Variants in ERCC6L2 observed in about 807,000 individuals in gnomAD.
ERCC6L2 encodes the protein ERCC excision repair 6 like 2.
A neutral mutation model predicts 132.0 loss-of-function variants in ERCC6L2; 77 were observed. The observed-to-expected ratio is 0.58, with a 90% CI of 0.49 to 0.71. The LOEUF (loss-of-function observed/expected upper bound fraction) is 0.71, where lower values mean the gene tolerates loss of function less well. Ranked by LOEUF, ERCC6L2 falls within the 30% of genes least tolerant of loss-of-function variation. The pLI, the probability that ERCC6L2 is intolerant of heterozygous loss-of-function variation, is 0.00. For synonymous variants in ERCC6L2, 583 were observed against 632.4 expected (o/e 0.92, Z 1.17); for missense variants, 1,542 against 1,837.6 (o/e 0.84, Z 2.94).
At chr9:95,969,305 G>A (rs1008653374) in intron 14 of ERCC6L2, among the ~76,000 whole-genome samples, 11 of 152,182 alleles carry the variant, frequency 7.2e-5, no homozygotes, top group African/African-American at 2.2e-4. Flanking sequence ...ACTTACTATT[G>A]AAAACTAGAC....
chr9:96,012,542 C>T lies in ERCC6L2; in HGVS notation c.3992C>T (p.Thr1331Ile), dbSNP rs769302711. The T allele has an allele frequency of 3.7e-6, 5 of 1,367,190 alleles. No individual in the cohort carries two copies. The highest frequency in any genetic ancestry group is 4.9e-6 in the Non-Finnish European group (5 of 1,021,694). The allele number at this position is 1,367,190 out of a possible 1,614,324, so 84.7% of individuals were successfully genotyped here. ...NKISQVCSLKTYKRKSVKFQN... is the reference protein window; with the variant it reads ...NKISQVCSLKIYKRKSVKFQN... ...ATTTCTCAAGTTTGCAGCCTAAAAA[C>T]ATATAAAAGAAAATCAGTTAAGTTT... is the stretch of plus-strand genomic sequence containing the variant. The change falls in exon 19 of 19, where the codon ACA becomes ATA. Residue 1331 changes from threonine (T) to isoleucine (I), a missense_variant. By Grantham distance (89) the Thr-to-Ile change is moderately conservative (BLOSUM62 -1). Around this residue, in one of 4 missense-constraint regions of ERCC6L2, gnomAD observed 442 missense variants for 583.4 expected, o/e 0.76. Transcript: ENST00000653738.
At chr9:95,905,622 C>T (rs1828993427) in intron 3 of ERCC6L2, among the ~76,000 whole-genome samples, 1 of 152,118 alleles carries the variant, frequency 6.6e-6, no homozygotes, top group Non-Finnish European at 1.5e-5. Context: ...TAGGATTAAC[C>T]TTCACCCAAA....
At chr9:95,925,272 A>G (rs754387458) in intron 9 of ERCC6L2, among the ~76,000 whole-genome samples, 1 of 152,126 alleles carries the variant, frequency 6.6e-6, no homozygotes, top group Non-Finnish European at 1.5e-5. Flanking sequence ...CCTGATGAAA[A>G]TCTTCACTTT....
At chr9:95,979,157 T>C (rs1047267327) in intron 17 of ERCC6L2, among the ~76,000 whole-genome samples, 4 of 152,184 alleles carry the variant, frequency 2.6e-5, no homozygotes, top group Non-Finnish European at 5.9e-5. Flanking sequence ...TTATTGACTT[T>C]CCTGGTAGAA....
chr9:96,007,358 G>A (rs1398270416), intron 18 of ERCC6L2, among the ~76,000 whole-genome samples: 1 of 152,206 alleles, frequency 6.6e-6, no homozygotes, highest in Non-Finnish European at 1.5e-5. Flanking sequence ...GCCAGATATG[G>A]GTGGGACATC....
chr9:95,899,600 A>ATATATGTGTGTGTGTG (rs746946004), intron 3 of ERCC6L2, among the ~76,000 whole-genome samples: 10 of 134,896 alleles, frequency 7.4e-5, no homozygotes, highest in African/African-American at 2.9e-4. Flanking sequence ...TTATATATAT[A>ATATATGTGTGTGTGTG]TGTGTGTGTG....
intron 12 of ERCC6L2, among the ~76,000 whole-genome samples, chr9:95,942,951 G>T (rs1830873630): frequency 6.6e-6 from 1 of 152,094 alleles, no homozygotes; most frequent in African/African-American, 2.4e-5. Flanking sequence ...TGTTAACAAA[G>T]AAATGAGAAT....
chr9:95,984,055 G>A (rs1832992265), intron 17 of ERCC6L2, among the ~76,000 whole-genome samples: 1 of 149,864 alleles, frequency 6.7e-6, no homozygotes, highest in South Asian at 2.1e-4. Context: ...ACCTCACATG[G>A]GTTGAATGTA....
At chr9:95,934,435 T>A (rs574114180) in intron 11 of ERCC6L2, among the ~76,000 whole-genome samples, 1 of 128,336 alleles carries the variant, frequency 7.8e-6, no homozygotes, top group East Asian at 2.3e-4. Context: ...TAGAAAAAAA[T>A]GAATCTAGCA....
rs191490404 is a variant in ERCC6L2, at chr9:95,894,443, C to T, written c.472-3406C>T. Among the ~76,000 whole-genome samples the T allele has an allele frequency of 5.7e-3, 867 of 152,026 alleles. 9 individuals carry two copies. Among genetic ancestry groups the T allele is most frequent in the African/African-American group, 0.02 (834 of 41,454 alleles). ...TATTGTGAGTTGTTTGAACTCTGTTCCTTACTGTCCAAACATTTGGAGATT... is the reference window on the plus strand; with the variant it reads ...TATTGTGAGTTGTTTGAACTCTGTTTCTTACTGTCCAAACATTTGGAGATT... On this transcript the variant is annotated intron_variant, in intron 2 of 18. Transcript: ENST00000653738.
chr9:95,959,854 A>G (rs1831818196), intron 13 of ERCC6L2, among the ~76,000 whole-genome samples: 1 of 152,234 alleles, frequency 6.6e-6, no homozygotes, highest in African/African-American at 2.4e-5. Context: ...GGAAGTTGGG[A>G]TCAGATTGAA....
At chr9:95,889,305 T>A (rs1436558246) in intron 2 of ERCC6L2, among the ~76,000 whole-genome samples, 2 of 152,202 alleles carry the variant, frequency 1.3e-5, no homozygotes, top group Non-Finnish European at 2.9e-5. Flanking sequence ...ATAATTTTCC[T>A]ATAATGAAAC....
In ERCC6L2 at chr9:96,037,458, T is replaced by G. The variant is rs147979984; in HGVS notation, c.*1504-1418T>G. On this transcript the variant is annotated intron_variant and NMD_transcript_variant, in intron 19 of 20. Transcript: ENST00000670016. ...TATGGCCTCTGCCTATTTTTGTTAT[T>G]ATTGTCTTGTTTTATTTTCCAAGAT... Among the ~76,000 whole-genome samples the G allele has an allele frequency of 2.0e-3, 301 of 152,326 alleles. 1 individual carries two copies. Among genetic ancestry groups the G allele is most frequent in the East Asian group, 0.011 (58 of 5,184 alleles).
At chr9:95,894,934 A>G (rs968994670) in intron 2 of ERCC6L2, among the ~76,000 whole-genome samples, 19 of 152,160 alleles carry the variant, frequency 1.2e-4, no homozygotes, top group Admixed American at 2.6e-4. Flanking sequence ...TGGGTACTTA[A>G]AATGAAACTG....
chr9:95,916,081 C>A, intron 5 of ERCC6L2, 146 bp from the exon 6 acceptor site: 1 of 831,184 alleles, frequency 1.2e-6, no homozygotes, highest in Non-Finnish European at 1.9e-6. Context: ...GAACCTGAAA[C>A]TGTCGTAAAG....
chr9:95,958,251 A>G (rs1831716281), intron 13 of ERCC6L2, among the ~76,000 whole-genome samples: 1 of 151,636 alleles, frequency 6.6e-6, no homozygotes, highest in African/African-American at 2.4e-5. Context: ...TATGTGCCAC[A>G]TTTTCTTAAC....
chr9:95,986,248 A>G (rs1263030835), intron 17 of ERCC6L2, among the ~76,000 whole-genome samples: 9 of 152,208 alleles, frequency 5.9e-5, no homozygotes, highest in Non-Finnish European at 7.3e-5. Flanking sequence ...TGGGCTATAT[A>G]GTAAGTCACT....
intron 17 of ERCC6L2, among the ~76,000 whole-genome samples, chr9:95,980,484 C>G (rs961157068): frequency 2.0e-5 from 3 of 152,166 alleles, no homozygotes; most frequent in African/African-American, 7.2e-5. Flanking sequence ...ATTTCAGTGG[C>G]TGACTTCAGT....
intron 16 of ERCC6L2, among the ~76,000 whole-genome samples, chr9:95,974,867 T>C (rs1173782996): frequency 6.6e-6 from 1 of 152,152 alleles, no homozygotes; most frequent in Admixed American, 6.6e-5. Flanking sequence ...ATATTTGTAT[T>C]GATACTTAAT....
Sources: allele counts gnomAD v4.1 joint callset (sites outside exome capture counted in the v4.1 genomes callset), GRCh38; gene constraint gnomAD v4.1.1; regional missense constraint gnomAD v4.1.1; transcripts MANE v1.5; gene names NCBI Gene and HGNC (gene_info 2026-07-23, HGNC 2026-07-21).